TAMM41: variants seen among roughly 807,000 people sequenced by gnomAD.
TAMM41 encodes the protein phosphatidate cytidylyltransferase, mitochondrial.
TAMM41 carries 36 observed loss-of-function variants against 44.1 expected under a neutral mutation model. The ratio of observed to expected loss-of-function variants is 0.82; its 90% CI spans 0.63 to 1.08. TAMM41 has a LOEUF of 1.08. Ranked by LOEUF, TAMM41 falls within the 50% of genes least tolerant of loss-of-function variation. The pLI is 0.00. For missense variants in TAMM41, 417 were observed against 404.3 expected (o/e 1.03, Z -0.27); for synonymous variants, 164 against 153.1 (o/e 1.07, Z -0.53).
At chr3:11,763,407 G>A in the TAMM41 span, among the ~76,000 whole-genome samples, 1 of 152,214 alleles carries the variant, frequency 6.6e-6, no homozygotes, top group Admixed American at 6.5e-5. Flanking sequence ...CTCCCAAAGT[G>A]CTGGGATTAC....
the TAMM41 span, among the ~76,000 whole-genome samples, chr3:11,723,439 G>C: frequency 6.6e-6 from 1 of 151,998 alleles, no homozygotes; most frequent in South Asian, 2.1e-4. Context: ...AATTAGCTGG[G>C]CGTGGTGGCA....
At chr3:11,816,627 G>A (rs1285009992) in intron 5 of TAMM41, among the ~76,000 whole-genome samples, 1 of 152,110 alleles carries the variant, frequency 6.6e-6, no homozygotes, top group Non-Finnish European at 1.5e-5. Flanking sequence ...TTGGCCAGGT[G>A]TGGTGGCATG....
chr3:11,838,225 T>C (rs551195613), intron 3 of TAMM41, among the ~76,000 whole-genome samples: 147 of 152,332 alleles, frequency 9.6e-4, no homozygotes, highest in African/African-American at 3.5e-3. Context: ...TTTGTTGCTG[T>C]TGTTTTTAAG....
chr3:11,797,993 A>G (rs909651952), intron 7 of TAMM41, among the ~76,000 whole-genome samples: 2 of 152,166 alleles, frequency 1.3e-5, no homozygotes, highest in African/African-American at 2.4e-5. Context: ...TAAGTCAAGA[A>G]ACAACAGAAG....
the TAMM41 span, among the ~76,000 whole-genome samples, chr3:11,745,880 C>T: frequency 6.6e-6 from 1 of 152,116 alleles, no homozygotes. Context: ...TAGTGGTAAA[C>T]TACAGTTAAT....
chr3:11,826,086 TGAGAAATG>T (rs2078735949), intron 4 of TAMM41, among the ~76,000 whole-genome samples: 1 of 152,102 alleles, frequency 6.6e-6, no homozygotes, highest in Admixed American at 6.5e-5. Context: ...AATAAAACAG[TGAGAAATG>T]GAGCTAATAT....
rs138602827 is a variant in TAMM41, at chr3:11,827,731, T to C, written c.562+1983A>G. On this transcript the variant is annotated intron_variant, in intron 4 of 7. Coordinates refer to ENST00000455809, the MANE Select transcript of TAMM41 (RefSeq NM_001284401.2). ...GCTTTCTCCTTCCCAGTTTGCAGCC[T>C]CTCATCCTCCACCTACTCTCTTCTC... Among the ~76,000 whole-genome samples, 805 of 151,774 alleles carry C rather than the reference T, an allele frequency of 5.3e-3. 4 individuals carry two copies. The highest frequency in any genetic ancestry group is 0.019 in the African/African-American group (765 of 41,348).
chr3:11,769,414 G>A, the TAMM41 span, among the ~76,000 whole-genome samples: 3 of 148,012 alleles, frequency 2.0e-5, no homozygotes, highest in Admixed American at 1.4e-4. Context: ...TGAGGTTTAA[G>A]AGATCACTCA....
chr3:11,747,591 A>T, the TAMM41 span, among the ~76,000 whole-genome samples: 2 of 151,172 alleles, frequency 1.3e-5, no homozygotes, highest in Non-Finnish European at 2.9e-5. Context: ...ATATAGCGAG[A>T]CTCCATCCCT....
the TAMM41 span, among the ~76,000 whole-genome samples, chr3:11,773,208 C>T: frequency 6.6e-6 from 1 of 151,984 alleles, no homozygotes; most frequent in Admixed American, 6.6e-5. Context: ...TCACCTGCCT[C>T]AGCTTCCCAA....
At chr3:11,828,420 T>C (rs1043004927) in intron 4 of TAMM41, among the ~76,000 whole-genome samples, 1 of 152,206 alleles carries the variant, frequency 6.6e-6, no homozygotes, top group Non-Finnish European at 1.5e-5. Context: ...AGATGTTGAC[T>C]AGAAGGGAAG....
At chr3:11,840,531 G>C (rs182902272) in intron 2 of TAMM41, among the ~76,000 whole-genome samples, 1 of 151,984 alleles carries the variant, frequency 6.6e-6, no homozygotes, top group Non-Finnish European at 1.5e-5. Context: ...TACCATGCCC[G>C]GCCTGATTAA....
the TAMM41 span, among the ~76,000 whole-genome samples, chr3:11,729,698 T>G: frequency 4.8e-4 from 73 of 151,792 alleles, no homozygotes; most frequent in African/African-American, 1.8e-3. Context: ...TAGCTGGGAT[T>G]ACAGGTGCAT....
the TAMM41 span, among the ~76,000 whole-genome samples, chr3:11,759,285 G>A: frequency 6.6e-6 from 1 of 152,018 alleles, no homozygotes; most frequent in Admixed American, 6.6e-5. Context: ...CTTAGCGGGT[G>A]ATCAACGGCA....
the TAMM41 span, among the ~76,000 whole-genome samples, chr3:11,739,423 TC>T: frequency 3.3e-5 from 5 of 152,114 alleles, no homozygotes; most frequent in Non-Finnish European, 5.9e-5. Flanking sequence ...TGGCTCCAGC[TC>T]CCAGGGGCTG....
At chr3:11,784,997 G>C in the TAMM41 span, among the ~76,000 whole-genome samples, 1 of 151,966 alleles carries the variant, frequency 6.6e-6, no homozygotes, top group Non-Finnish European at 1.5e-5. Context: ...TTGTACAAAG[G>C]ATAGCTGCAT....
chr3:11,724,093 T>G, the TAMM41 span, among the ~76,000 whole-genome samples: 9 of 151,360 alleles, frequency 5.9e-5, no homozygotes, highest in Non-Finnish European at 1.3e-4. Flanking sequence ...TTTTATATTT[T>G]TATTTATTTA....
At chr3:11,751,812 C>T in the TAMM41 span, among the ~76,000 whole-genome samples, 7 of 152,158 alleles carry the variant, frequency 4.6e-5, no homozygotes, top group Non-Finnish European at 7.3e-5. Flanking sequence ...CTTCTGACTA[C>T]GTTAATGTGG....
chr3:11,753,625 TACTCGGGAGGCTGAG>T, the TAMM41 span, among the ~76,000 whole-genome samples: 3 of 151,822 alleles, frequency 2.0e-5, no homozygotes, highest in African/African-American at 7.3e-5. Flanking sequence ...TAGTCCCAGC[TACTCGGGAGGCTGAG>T]ACAGGAGAAT....
Sources: allele counts gnomAD v4.1 joint callset (sites outside exome capture counted in the v4.1 genomes callset), GRCh38; gene constraint gnomAD v4.1.1; transcripts MANE v1.5; gene names NCBI Gene and HGNC (gene_info 2026-07-23, HGNC 2026-07-21).